GPR149: variants seen among roughly 807,000 people sequenced by gnomAD.
GPR149 encodes the protein probable G protein-coupled receptor 149.
Under a neutral mutation model 50.2 loss-of-function variants are expected in GPR149, and 50 were observed. The observed-to-expected ratio is 1.00, with a 90% CI of 0.79 to 1.26. The LOEUF is 1.26. GPR149 is among the 50% of genes most tolerant of loss of function. The pLI is 0.00. For missense variants in GPR149, 983 were observed against 895.4 expected (o/e 1.10, Z -1.25); for synonymous variants, 405 against 358.2 (o/e 1.13, Z -1.48).
At chr3:154,415,262 A>G (rs1032089482) in intron 3 of GPR149, among the ~76,000 whole-genome samples, 1 of 151,938 alleles carries the variant, frequency 6.6e-6, no homozygotes, top group African/African-American at 2.4e-5. Flanking sequence ...CAGATAAATT[A>G]TATGATTCCA....
chr3:154,428,218 T>TG (rs1457745863), intron 1 of GPR149, among the ~76,000 whole-genome samples: 1 of 152,148 alleles, frequency 6.6e-6, no homozygotes, highest in Non-Finnish European at 1.5e-5. Context: ...CTGCTGGAGA[T>TG]GGGCGTCGTC....
At chr3:154,423,305 G>A (rs1481003865) in intron 2 of GPR149, among the ~76,000 whole-genome samples, 1 of 151,792 alleles carries the variant, frequency 6.6e-6, no homozygotes, top group Non-Finnish European at 1.5e-5. Flanking sequence ...GAGAAAACGG[G>A]GGGTGACAGA....
chr3:154,368,438 A>G (rs913315988), intron 3 of GPR149, among the ~76,000 whole-genome samples: 53 of 152,226 alleles, frequency 3.5e-4, no homozygotes, highest in Non-Finnish European at 4.0e-4. Context: ...ATGGTCCCCT[A>G]CATCAGGACA....
At chr3:154,388,647 G>C (rs1715099511) in intron 3 of GPR149, among the ~76,000 whole-genome samples, 1 of 152,100 alleles carries the variant, frequency 6.6e-6, no homozygotes, top group Non-Finnish European at 1.5e-5. Context: ...GGCAGGAACA[G>C]AGGCAGGCAG....
chr3:154,392,907 C>T (rs189415442), intron 3 of GPR149, among the ~76,000 whole-genome samples: 1 of 151,876 alleles, frequency 6.6e-6, no homozygotes, highest in Non-Finnish European at 1.5e-5. Flanking sequence ...CTGAACAGAC[C>T]TATACCCAGT....
At chr3:154,345,397 T>C (rs1477440499) in intron 3 of GPR149, among the ~76,000 whole-genome samples, 4 of 152,220 alleles carry the variant, frequency 2.6e-5, no homozygotes, top group Non-Finnish European at 4.4e-5. Context: ...TGACAAAGAA[T>C]GATACATTCA....
intron 3 of GPR149, among the ~76,000 whole-genome samples, chr3:154,360,088 G>A (rs1409774389): frequency 2.6e-5 from 4 of 152,124 alleles, no homozygotes; most frequent in African/African-American, 9.7e-5. Flanking sequence ...TGCCCAGAAA[G>A]AAGACGATTT....
At chr3:154,375,007 G>A (rs1282743738) in intron 3 of GPR149, among the ~76,000 whole-genome samples, 1 of 152,188 alleles carries the variant, frequency 6.6e-6, no homozygotes, top group African/African-American at 2.4e-5. Flanking sequence ...GCAGAGGTTT[G>A]TTCCTGAAAA....
At chr3:154,411,750 A>G (rs1041677270) in intron 3 of GPR149, among the ~76,000 whole-genome samples, 2 of 152,174 alleles carry the variant, frequency 1.3e-5, no homozygotes, top group Non-Finnish European at 2.9e-5. Context: ...ACGAATTCAC[A>G]AATGAATTCT....
chr3:154,369,265 C>G (rs1272767792), intron 3 of GPR149, among the ~76,000 whole-genome samples: 1 of 152,220 alleles, frequency 6.6e-6, no homozygotes, highest in South Asian at 2.1e-4. Context: ...TTCTGTACCA[C>G]TGCCTTGCCA....
chr3:154,419,735 A>G (rs1712084798), intron 3 of GPR149, among the ~76,000 whole-genome samples: 1 of 152,048 alleles, frequency 6.6e-6, no homozygotes, highest in Admixed American at 6.6e-5. Flanking sequence ...CATTATGAAT[A>G]TAACTTAACA....
rs180672840 is a variant in GPR149 at position 154,406,853 on chromosome 3, C to T, written c.1623+14186G>A. Among the ~76,000 whole-genome samples, 309 of 152,206 alleles carry T rather than the reference C, an allele frequency of 2.0e-3. 1 individual carries two copies. The highest frequency in any genetic ancestry group is 7.1e-3 in the African/African-American group (294 of 41,514). On this transcript the variant is annotated intron_variant, in intron 3 of 3. Transcript: ENST00000389740. ...TGCCTTTTGTATTAGCCCGTTCTCACGTTGCTGATAAAGACATACCTGAGA... is the reference window on the plus strand; with the variant it reads ...TGCCTTTTGTATTAGCCCGTTCTCATGTTGCTGATAAAGACATACCTGAGA...
chr3:154,387,721 G>C (rs970478961), intron 3 of GPR149, among the ~76,000 whole-genome samples: 1 of 151,994 alleles, frequency 6.6e-6, no homozygotes, highest in African/African-American at 2.4e-5. Context: ...TAAAGAACCA[G>C]GGTTTCTTAT....
Position 154,421,436 on chromosome 3 carries a change from A to C in GPR149, c.1226T>G (p.Ile409Ser). The C allele has an allele frequency of 6.2e-7, 1 of 1,600,080 alleles. No individual in the cohort carries two copies. The highest frequency in any genetic ancestry group is 8.5e-7 in the Non-Finnish European group (1 of 1,174,196). ...GTAATCTTCATGTGCTATTTTATAA[A>C]TCCCATAACTTTTTTGGAATGATAG... is the stretch of plus-strand genomic sequence containing the variant. ...FNLSFQKSYG[I>S]YKIAHEDYYD... is the part of the protein sequence containing the mutation. Residue 409 changes from isoleucine to serine, a missense_variant, in exon 3 of 4, where the codon ATT becomes AGT. Ile to Ser is a moderately radical substitution (Grantham distance 142, BLOSUM62 -2). Transcript: ENST00000389740.
At position 154,429,881 on chromosome 3, in the gene GPR149, A is replaced by T. The variant is rs1712437476; in HGVS notation, c.-266T>A. Among the ~76,000 whole-genome samples the T allele has an allele frequency of 6.6e-6, 1 of 151,710 alleles. No homozygotes were observed. The highest frequency in any genetic ancestry group is 1.5e-5 in the Non-Finnish European group (1 of 67,958). ...CATTCCAATTAAAAACAAAGCAAAA[A>T]CTCCTTCCCACCATCAAGTTTCAGG... On this transcript the variant is annotated 5_prime_UTR_variant, in exon 1 of 4. Coordinates refer to ENST00000389740, the MANE Select transcript of GPR149 (RefSeq NM_001038705.3).
chr3:154,400,932 C>T (rs1711537611), intron 3 of GPR149, among the ~76,000 whole-genome samples: 3 of 152,052 alleles, frequency 2.0e-5, no homozygotes, highest in African/African-American at 7.2e-5. Flanking sequence ...ATATTTGTTC[C>T]AAAATGAATG....
chr3:154,412,375 A>C (rs1711860874), intron 3 of GPR149, among the ~76,000 whole-genome samples: 1 of 152,068 alleles, frequency 6.6e-6, no homozygotes, highest in African/African-American at 2.4e-5. Flanking sequence ...AAAAAGGGCA[A>C]ATTGGCACAG....
Position 154,353,411 on chromosome 3 carries a change from A to G in GPR149, c.1624-15140T>C, listed in dbSNP as rs1016806617. 1.2e-5 allele frequency: 13 copies of G among 1,106,754 alleles called. No individual in the cohort carries two copies. The African/African-American group carries it at 1.9e-4, about 16-fold the overall frequency. 68.6% of individuals were successfully genotyped at this position (1,106,754 alleles called of 1,614,324 possible). On this transcript the variant is annotated intron_variant, in intron 3 of 3. Transcript: ENST00000389740. ...CAGATTCAGTTTTGTAGGATTTGTG[A>G]ATCACATCTTCAACTTGTTCATTAA...
Position 154,427,590 on chromosome 3 carries a change from C to G in GPR149, c.1100G>C (p.Trp367Ser). ...VTPVFVLSKR[W>S]THLPCGCIIN... ...GATGCAGCCACAGGGCAAGTGGGTC[C>G]AGCGTTTGGACAAGACAAACACTGG... The change falls in exon 2 of 4, where the codon TGG becomes TCG. Residue 367 changes from tryptophan to serine, a missense_variant. By Grantham distance (177) the Trp-to-Ser change is radical. Transcript: ENST00000389740. The G allele has an allele frequency of 1.9e-6, 3 of 1,614,120 alleles. No individual in the cohort carries two copies. The highest frequency in any genetic ancestry group is 2.5e-6 in the Non-Finnish European group (3 of 1,180,018).
Sources: allele counts gnomAD v4.1 joint callset (sites outside exome capture counted in the v4.1 genomes callset), GRCh38; gene constraint gnomAD v4.1.1; transcripts MANE v1.5; gene names NCBI Gene and HGNC (gene_info 2026-07-23, HGNC 2026-07-21).